STAG1: variants seen among roughly 807,000 people sequenced by gnomAD.
The protein encoded by STAG1 is cohesin subunit SA-1.
A neutral mutation model predicts 170.9 loss-of-function variants in STAG1; 26 were observed. The observed-to-expected ratio is 0.15, with a 90% CI of 0.11 to 0.21. STAG1 has a LOEUF of 0.21. Among genes scored for constraint, STAG1 ranks in the 10% least tolerant of loss-of-function variants. The probability of loss-of-function intolerance (pLI) is 1.00; values close to 1 mark genes in which losing one functional copy is unlikely to be tolerated. For missense variants in STAG1, 964 were observed against 1,509.5 expected (o/e 0.64, Z 5.99); for synonymous variants, 514 against 497.7 (o/e 1.03, Z -0.44).
chr3:136,478,979 T>A (rs932996184), intron 9 of STAG1, among the ~76,000 whole-genome samples: 1 of 151,600 alleles, frequency 6.6e-6, no homozygotes, highest in African/African-American at 2.4e-5. Flanking sequence ...GAGAATAAAA[T>A]CACTTAATAC....
intron 1 of STAG1, among the ~76,000 whole-genome samples, chr3:136,699,726 A>G (rs1426285043): frequency 6.6e-6 from 1 of 152,138 alleles, no homozygotes; most frequent in African/African-American, 2.4e-5. Flanking sequence ...CTAAGCTATC[A>G]GGACACATCC....
intron 1 of STAG1, among the ~76,000 whole-genome samples, chr3:136,672,821 T>C (rs796794247): frequency 1.4e-4 from 21 of 152,336 alleles, no homozygotes; most frequent in African/African-American, 5.1e-4. Context: ...TATAACAGTA[T>C]TGTTAGACAA....
intron 23 of STAG1, among the ~76,000 whole-genome samples, chr3:136,369,811 G>A (rs1458444753): frequency 1.3e-5 from 2 of 152,154 alleles, no homozygotes; most frequent in African/African-American, 4.8e-5. Flanking sequence ...ATAATGAACT[G>A]CATATACATG....
intron 1 of STAG1, among the ~76,000 whole-genome samples, chr3:136,737,743 G>A (rs528600503): frequency 1.4e-4 from 22 of 152,292 alleles, no homozygotes; most frequent in African/African-American, 5.1e-4. Flanking sequence ...TAACATTCCA[G>A]AGGGAAGAAA....
At chr3:136,518,046 T>A in intron 7 of STAG1, 1 of 206,518 alleles carries the variant, frequency 4.8e-6, no homozygotes, top group Non-Finnish European at 9.5e-6. Flanking sequence ...AACTATATAA[T>A]GATAAAAAAA....
At chr3:136,587,343 T>TAG (rs568702329) in intron 4 of STAG1, among the ~76,000 whole-genome samples, 157 of 152,054 alleles carry the variant, frequency 1.0e-3, no homozygotes, top group African/African-American at 3.3e-3. Flanking sequence ...AGTATGAGAC[T>TAG]AGTCTGGCCA....
chr3:136,401,044 T>G (rs937920146), intron 21 of STAG1, among the ~76,000 whole-genome samples: 1 of 152,202 alleles, frequency 6.6e-6, no homozygotes, highest in Non-Finnish European at 1.5e-5. Context: ...TAATAACCTC[T>G]GTAGACAACA....
At chr3:136,607,099 A>G (rs564767601) in intron 3 of STAG1, among the ~76,000 whole-genome samples, 1 of 152,144 alleles carries the variant, frequency 6.6e-6, no homozygotes, top group Non-Finnish European at 1.5e-5. Context: ...TACTATCAAC[A>G]TAATTAATCA....
rs186673504 is a variant in STAG1, at chr3:136,660,915, G to C, written c.-83-29934C>G. 2.0e-5 allele frequency among the ~76,000 whole-genome samples: 3 copies of C among 152,220 alleles called. No homozygotes were observed. In the East Asian group the frequency reaches 5.8e-4, roughly 29 times the overall value. Reference sequence around the variant, plus strand: ...GCCTGGGAGTTCAAGGCTGAAGTAAGCCATGATTGTGTCACTGCACTCCAG... The same window carrying C: ...GCCTGGGAGTTCAAGGCTGAAGTAACCCATGATTGTGTCACTGCACTCCAG... On this transcript the variant is annotated intron_variant, in intron 1 of 33. Coordinates refer to ENST00000383202, the MANE Select transcript of STAG1 (RefSeq NM_005862.3).
intron 1 of STAG1, among the ~76,000 whole-genome samples, chr3:136,696,713 A>C (rs140068024): frequency 6.6e-6 from 1 of 152,192 alleles, no homozygotes; most frequent in Non-Finnish European, 1.5e-5. Context: ...ATGAAGTATT[A>C]ATAAACAAAC....
At chr3:136,621,633 G>A (rs571912468) in intron 3 of STAG1, among the ~76,000 whole-genome samples, 4 of 152,186 alleles carry the variant, frequency 2.6e-5, no homozygotes, top group Admixed American at 2.0e-4. Context: ...TTAAATAAAA[G>A]TAGAGGATAA....
rs111559125 is a variant in STAG1, at chr3:136,572,032, C to T, written c.298-3171G>A. Reference sequence around the variant, plus strand: ...ACCCTATCTATGCTAAAAATACCAACAAAAAGACAGAAAAGAAAAAGAAAA... The same window carrying T: ...ACCCTATCTATGCTAAAAATACCAATAAAAAGACAGAAAAGAAAAAGAAAA... On this transcript the variant is annotated intron_variant, in intron 4 of 33. Transcript: ENST00000383202. Among the ~76,000 whole-genome samples the T allele has an allele frequency of 7.9e-5, 12 of 151,596 alleles. No homozygotes were observed. The East Asian group carries it at 1.9e-3, about 25-fold the overall frequency.
intron 1 of STAG1, among the ~76,000 whole-genome samples, chr3:136,686,585 G>C (rs1942540555): frequency 1.3e-5 from 2 of 152,160 alleles, no homozygotes; most frequent in African/African-American, 4.8e-5. Context: ...CAAGAACAGA[G>C]CTTAAAGATC....
In STAG1 at chr3:136,349,216, T is replaced by A; in HGVS notation, c.3213A>T (p.Lys1071Asn). The change falls in exon 29 of 34, where the codon AAA (lysine) becomes AAT (asparagine). Residue 1071 changes from lysine to asparagine, a missense_variant. Coordinates refer to ENST00000383202, the MANE Select transcript of STAG1 (RefSeq NM_005862.3). ...CTTTCTTATTCCTTACTGATGAGGT[T>A]TTGCTGCTGCTACTTCCACTGTTCA... Reference protein sequence around the residue: ...MSVNSGSSSSKTSSVRNKKGR... With the variant: ...MSVNSGSSSSNTSSVRNKKGR... The A allele has an allele frequency of 6.2e-7, 1 of 1,614,160 alleles. No homozygotes were observed. Among genetic ancestry groups the A allele is most frequent in the African/African-American group, 1.3e-5 (1 of 75,050 alleles).
chr3:136,498,217 T>TATAC (rs1189940993), intron 9 of STAG1, among the ~76,000 whole-genome samples: 670 of 42,666 alleles, frequency 0.016, 60 homozygotes, highest in African/African-American at 0.053. Context: ...AAATTATATA[T>TATAC]ATATATATAT....
chr3:136,354,112 T>C (rs1936536804), intron 28 of STAG1, among the ~76,000 whole-genome samples: 1 of 152,234 alleles, frequency 6.6e-6, no homozygotes, highest in African/African-American at 2.4e-5. Flanking sequence ...CTGGCTTTCC[T>C]TTCTTTTCTC....
At chr3:136,339,512 A>G (rs1178461390) in intron 32 of STAG1, among the ~76,000 whole-genome samples, 2 of 152,124 alleles carry the variant, frequency 1.3e-5, no homozygotes, top group Non-Finnish European at 2.9e-5. Context: ...ACAGAGCGAG[A>G]CTCCATCTCT....
chr3:136,417,950 C>G lies in STAG1; in HGVS notation c.2131G>C (p.Asp711His). The G allele has an allele frequency of 1.9e-6, 3 of 1,613,750 alleles. No homozygotes were observed. The highest frequency in any genetic ancestry group is 1.1e-5 in the South Asian group (1 of 91,072). Residue 711 changes from aspartate (D) to histidine (H), a missense_variant, in exon 21 of 34, where the codon GAT (aspartate) becomes CAT (histidine). Asp to His is a moderately conservative substitution (Grantham distance 81, BLOSUM62 -1). Transcript: ENST00000383202. ...AATCTGTAGCAATTACCAAAGAGAT[C>G]CCATTTTGTGAGATCATGTGCACTG... ...FHNAHDLTKW[D>H]LFGNCYRLLK...
chr3:136,342,799 G>A (rs1435873737), intron 30 of STAG1, among the ~76,000 whole-genome samples: 1 of 152,204 alleles, frequency 6.6e-6, no homozygotes, highest in East Asian at 1.9e-4. Context: ...CATGGCCACA[G>A]GGAATGACAA....
Sources: allele counts gnomAD v4.1 joint callset (sites outside exome capture counted in the v4.1 genomes callset), GRCh38; gene constraint gnomAD v4.1.1; transcripts MANE v1.5; gene names NCBI Gene and HGNC (gene_info 2026-07-23, HGNC 2026-07-21).